ZDHHC14: variants seen among roughly 807,000 people sequenced by gnomAD.
ZDHHC14 encodes the protein palmitoyltransferase ZDHHC14.
A neutral mutation model predicts 47.7 loss-of-function variants in ZDHHC14; 16 were observed. The observed-to-expected ratio is 0.34, with a 90% CI of 0.23 to 0.51. The LOEUF is 0.51. Among genes scored for constraint, ZDHHC14 ranks in the 20% least tolerant of loss-of-function variants. The pLI is 0.97. For missense variants in ZDHHC14, 515 were observed against 662.5 expected (o/e 0.78, Z 2.44); for synonymous variants, 293 against 278.9 (o/e 1.05, Z -0.50).
chr6:157,543,775 T>C (rs765869372), intron 2 of ZDHHC14, among the ~76,000 whole-genome samples: 8 of 152,176 alleles, frequency 5.3e-5, no homozygotes, highest in Non-Finnish European at 1.2e-4. Flanking sequence ...TGTCATCTGC[T>C]AGACTGCAGC....
chr6:157,644,358 C>T (rs950163995), intron 5 of ZDHHC14, among the ~76,000 whole-genome samples: 5 of 152,238 alleles, frequency 3.3e-5, no homozygotes, highest in African/African-American at 1.2e-4. Flanking sequence ...GCACACAGAG[C>T]CCCCACTGTA....
chr6:157,509,742 C>T (rs1318039575), intron 1 of ZDHHC14, among the ~76,000 whole-genome samples: 3 of 152,206 alleles, frequency 2.0e-5, no homozygotes, highest in Non-Finnish European at 4.4e-5. Context: ...AGAGTGCTTT[C>T]CTTTTCATTC....
intron 2 of ZDHHC14, among the ~76,000 whole-genome samples, chr6:157,584,889 G>A (rs1373681877): frequency 6.6e-6 from 1 of 152,172 alleles, no homozygotes. Flanking sequence ...CAAAATGCTT[G>A]TGTATAAAAA....
chr6:157,418,616 C>A (rs912451551), intron 1 of ZDHHC14, among the ~76,000 whole-genome samples: 2 of 152,142 alleles, frequency 1.3e-5, no homozygotes, highest in Admixed American at 1.3e-4. Flanking sequence ...CACAGAGAGG[C>A]CTTTAAATGA....
intron 8 of ZDHHC14, among the ~76,000 whole-genome samples, chr6:157,671,359 C>T (rs969098045): frequency 2.0e-4 from 30 of 152,160 alleles, no homozygotes; most frequent in African/African-American, 7.0e-4. Flanking sequence ...GGAACAGGCT[C>T]ATTCTAAGAA....
chr6:157,635,038 G>T (rs558396859), intron 5 of ZDHHC14, among the ~76,000 whole-genome samples: 2 of 152,100 alleles, frequency 1.3e-5, no homozygotes, highest in South Asian at 4.2e-4. Context: ...CTGTCGCCCA[G>T]GCTGGAGTGC....
intron 2 of ZDHHC14, among the ~76,000 whole-genome samples, chr6:157,562,312 C>T (rs1011550194): frequency 2.0e-5 from 3 of 152,160 alleles, no homozygotes; most frequent in Non-Finnish European, 4.4e-5. Context: ...GGGGTTTAGC[C>T]GTGAGAACAG....
chr6:157,610,318 G>A (rs1192220747), intron 3 of ZDHHC14, among the ~76,000 whole-genome samples: 1 of 152,184 alleles, frequency 6.6e-6, no homozygotes, highest in African/African-American at 2.4e-5. Context: ...TGTGGTCCCA[G>A]CTACTCGGGA....
intron 2 of ZDHHC14, among the ~76,000 whole-genome samples, chr6:157,557,544 C>A (rs1305762162): frequency 6.6e-6 from 1 of 151,972 alleles, no homozygotes; most frequent in Non-Finnish European, 1.5e-5. Flanking sequence ...GTCCAGCATG[C>A]GTTAGATGGA....
At chr6:157,609,784 G>GA (rs912747567) in intron 3 of ZDHHC14, among the ~76,000 whole-genome samples, 11 of 152,204 alleles carry the variant, frequency 7.2e-5, no homozygotes, top group African/African-American at 2.7e-4. Context: ...TGGAATGCTT[G>GA]AAGGGGCTCT....
intron 1 of ZDHHC14, among the ~76,000 whole-genome samples, chr6:157,382,963 C>A (rs1777243821): frequency 6.6e-6 from 1 of 152,120 alleles, no homozygotes; most frequent in Non-Finnish European, 1.5e-5. Flanking sequence ...TGAAAGGAGA[C>A]CTTAGGTCTG....
At position 157,522,886 on chromosome 6, in the gene ZDHHC14, TACCATCCTTCCTTCCTTCCTTCCTTC is replaced by T. The variant is rs1562460762; in HGVS notation, c.246-19698_246-19673del. Reference sequence around the variant, plus strand: ...CTTCCCTTGCTCCCTCCCATCTTCCTACCATCCTTCCTTCCTTCCTTCCTTCCTTCCTTCCTTTCTTTCTTTCTTTC... The same window carrying T: ...CTTCCCTTGCTCCCTCCCATCTTCCTCTTCCTTCCTTTCTTTCTTTCTTTC... On this transcript the variant is annotated intron_variant, in intron 1 of 8. Transcript: ENST00000359775. Among the ~76,000 whole-genome samples, 5 of 43,530 alleles carry T rather than the reference TACCATCCTTCCTTCCTTCCTTCCTTC, an allele frequency of 1.1e-4. 1 individual carries two copies. The highest frequency in any genetic ancestry group is 2.9e-4 in the African/African-American group (2 of 7,014). 28.6% of individuals were successfully genotyped at this position (43,530 alleles called of 152,430 possible). A position where few individuals can be genotyped will look rare whatever the true frequency, so the allele number is the denominator to read the frequency against.
At chr6:157,573,387 C>T (rs1006973049) in intron 2 of ZDHHC14, among the ~76,000 whole-genome samples, 1 of 152,210 alleles carries the variant, frequency 6.6e-6, no homozygotes, top group South Asian at 2.1e-4. Flanking sequence ...TCCTGCTCAC[C>T]TCACGAGGGC....
intron 3 of ZDHHC14, among the ~76,000 whole-genome samples, chr6:157,627,688 C>T (rs1486897817): frequency 1.3e-5 from 2 of 152,212 alleles, no homozygotes; most frequent in Admixed American, 1.3e-4. Flanking sequence ...GCCTCAAGTT[C>T]TAGTTCCACT....
At chr6:157,458,849 A>ATTTTTTGTTTTTTTTT (rs1778992077) in intron 1 of ZDHHC14, among the ~76,000 whole-genome samples, 1 of 81,226 alleles carries the variant, frequency 1.2e-5, no homozygotes, top group Non-Finnish European at 2.3e-5. Context: ...ATGTGGGTGG[A>ATTTTTTGTTTTTTTTT]TTTTTTTTTT....
intron 1 of ZDHHC14, among the ~76,000 whole-genome samples, chr6:157,416,838 G>A (rs1304655872): frequency 7.0e-6 from 1 of 143,586 alleles, no homozygotes; most frequent in African/African-American, 2.5e-5. Flanking sequence ...CAAAAGTCTC[G>A]AACTGTCGCT....
At chr6:157,514,481 C>T (rs1326619887) in intron 1 of ZDHHC14, among the ~76,000 whole-genome samples, 1 of 152,232 alleles carries the variant, frequency 6.6e-6, no homozygotes, top group Non-Finnish European at 1.5e-5. Flanking sequence ...ACAAAAATAT[C>T]TGCCTATTAG....
In ZDHHC14 at chr6:157,423,829, G is replaced by A. The variant is rs1583632489; in HGVS notation, c.245+41563G>A. On this transcript the variant is annotated intron_variant, in intron 1 of 8. Transcript: ENST00000359775. ...ATTTGGAGGATGGCATCGTGTAGGA[G>A]CTCATTGGAAAAGCAGAATCTCAGG... 2.0e-5 allele frequency among the ~76,000 whole-genome samples: 3 copies of A among 152,244 alleles called. No individual in the cohort carries two copies. The South Asian group carries it at 6.2e-4, about 32-fold the overall frequency.
In ZDHHC14 at chr6:157,613,179, T is replaced by C. The variant is rs1784820892; in HGVS notation, c.566-15170T>C. On this transcript the variant is annotated intron_variant, in intron 3 of 8. Coordinates refer to ENST00000359775, the MANE Select transcript of ZDHHC14 (RefSeq NM_024630.3). ...TCAACAGATATCGGAGGGCCTCACG[T>C]GTGCCTCCTACAAATTCGAATAAAA... Among the ~76,000 whole-genome samples, 3 of 152,322 alleles carry C rather than the reference T, an allele frequency of 2.0e-5. No homozygotes were observed. In the South Asian group the frequency reaches 6.2e-4, roughly 32 times the overall value.
Sources: gnomAD v4.1 joint callset for allele counts (sites outside exome capture counted in the v4.1 genomes callset) on GRCh38, gnomAD v4.1.1 for gene constraint, MANE v1.5 for transcripts, NCBI Gene and HGNC (gene_info 2026-07-23, HGNC 2026-07-21) for gene names.